TEAD1: variants seen among roughly 807,000 people sequenced by gnomAD.
TEAD1 encodes transcriptional enhancer factor TEF-1.
A neutral mutation model predicts 54.9 loss-of-function variants in TEAD1; 9 were observed. The ratio of observed to expected loss-of-function variants is 0.16; its 90% CI spans 0.10 to 0.29. The LOEUF (loss-of-function observed/expected upper bound fraction) is 0.29, where lower values mean the gene tolerates loss of function less well. TEAD1 is among the 10% of genes least tolerant of loss of function. The pLI is 1.00. For synonymous variants in TEAD1, 200 were observed against 187.8 expected (o/e 1.07, Z -0.53); for missense variants, 387 against 535.9 (o/e 0.72, Z 2.74).
intron 3 of TEAD1, among the ~76,000 whole-genome samples, chr11:12,832,806 T>C (rs550377486): frequency 6.6e-6 from 1 of 152,334 alleles, no homozygotes; most frequent in South Asian, 2.1e-4. Context: ...TCCATCTCGT[T>C]CAAACACCAG....
intron 3 of TEAD1, among the ~76,000 whole-genome samples, chr11:12,853,383 G>A (rs1947312149): frequency 6.6e-6 from 1 of 152,140 alleles, no homozygotes; most frequent in Admixed American, 6.6e-5. Context: ...TATTCCTTTA[G>A]ATGTGGGCAG....
chr11:12,676,073 G>T (rs903689343), intron 2 of TEAD1, among the ~76,000 whole-genome samples: 1 of 152,198 alleles, frequency 6.6e-6, no homozygotes, highest in African/African-American at 2.4e-5. Flanking sequence ...ATGTAAAAAG[G>T]CCATGTTTAA....
intron 3 of TEAD1, among the ~76,000 whole-genome samples, chr11:12,769,124 T>A (rs1359537929): frequency 6.6e-6 from 1 of 152,108 alleles, no homozygotes; most frequent in Non-Finnish European, 1.5e-5. Flanking sequence ...AGCAGATGTC[T>A]TCAGGATCCT....
At chr11:12,717,431 A>G (rs1048387949) in intron 2 of TEAD1, among the ~76,000 whole-genome samples, 1 of 152,228 alleles carries the variant, frequency 6.6e-6, no homozygotes, top group African/African-American at 2.4e-5. Flanking sequence ...TAAGGTGGAC[A>G]GTGGAATTAC....
rs572378896 is a variant in TEAD1 at position 12,745,450 on chromosome 11, TTC to T, written c.-54-18727_-54-18726del. On this transcript the variant is annotated intron_variant, in intron 2 of 12. Coordinates refer to ENST00000527636, the MANE Select transcript of TEAD1 (RefSeq NM_021961.6). ...CTCACACTCCACTGGTGATAAGTTC[TTC>T]TATGAAATTTTTGATCAATTTGATT... Among the ~76,000 whole-genome samples, 20 of 152,218 alleles carry T rather than the reference TTC, an allele frequency of 1.3e-4. No individual in the cohort carries two copies. The South Asian group carries it at 3.7e-3, about 28-fold the overall frequency.
Position 12,942,832 on chromosome 11 carries a change from A to C in TEAD1, c.*5610A>C, listed in dbSNP as rs2134183244. The C allele has an allele frequency of 6.6e-6, 1 of 152,330 alleles. No individual in the cohort carries two copies. The highest frequency in any genetic ancestry group is 2.4e-5 in the African/African-American group (1 of 41,586). 9.4% of individuals were successfully genotyped at this position (152,330 alleles called of 1,614,324 possible). ...GAGAAACTTCCAAAGAGCACCATTC[A>C]CAATTTGGCATTTTCAAAGAATGTT... On this transcript the variant is annotated 3_prime_UTR_variant, in exon 13 of 13. Transcript: ENST00000527636.
chr11:12,768,758 T>C lies in TEAD1; in HGVS notation c.202+4324T>C, dbSNP rs775561446. 1.4e-4 allele frequency among the ~76,000 whole-genome samples: 21 copies of C among 152,310 alleles called. 1 individual carries two copies. Among genetic ancestry groups the C allele is most frequent in the South Asian group, 4.1e-4 (2 of 4,822 alleles). ...GATACTGTAGTGAACCAGACAGACATGGTCCCTGCCCTCATGGAGCTATCT... is the reference window on the plus strand; with the variant it reads ...GATACTGTAGTGAACCAGACAGACACGGTCCCTGCCCTCATGGAGCTATCT... On this transcript the variant is annotated intron_variant, in intron 3 of 12. Coordinates refer to ENST00000527636, the MANE Select transcript of TEAD1 (RefSeq NM_021961.6).
chr11:12,692,095 T>C (rs1320793187), intron 2 of TEAD1, among the ~76,000 whole-genome samples: 1 of 152,200 alleles, frequency 6.6e-6, no homozygotes, highest in Non-Finnish European at 1.5e-5. Flanking sequence ...CCTGCAAGTC[T>C]AAGATGAGTG....
chr11:12,894,604 G>A (rs1948270276), intron 9 of TEAD1, among the ~76,000 whole-genome samples: 1 of 152,140 alleles, frequency 6.6e-6, no homozygotes, highest in Non-Finnish European at 1.5e-5. Context: ...CTGTGTGCCT[G>A]AGGGAAATGC....
intron 9 of TEAD1, among the ~76,000 whole-genome samples, chr11:12,898,591 C>T (rs1055662294): frequency 6.6e-6 from 1 of 151,756 alleles, no homozygotes; most frequent in Non-Finnish European, 1.5e-5. Context: ...GATGGGGTTT[C>T]TCCGTGTTGG....
intron 4 of TEAD1, among the ~76,000 whole-genome samples, chr11:12,862,529 C>T (rs1396897685): frequency 6.6e-6 from 1 of 152,184 alleles, no homozygotes; most frequent in Non-Finnish European, 1.5e-5. Context: ...CTTTTATACT[C>T]ACATGGGAAA....
At chr11:12,820,541 T>C (rs1946523450) in intron 3 of TEAD1, among the ~76,000 whole-genome samples, 2 of 152,122 alleles carry the variant, frequency 1.3e-5, no homozygotes, top group African/African-American at 4.8e-5. Flanking sequence ...ACGTTGGTGA[T>C]GAAATTATAA....
intron 2 of TEAD1, among the ~76,000 whole-genome samples, chr11:12,725,612 TA>T (rs11316204): frequency 0.48 from 73,071 of 151,208 alleles, 19,188 homozygotes; most frequent in African/African-American, 0.7. Flanking sequence ...ACGTATCAGT[TA>T]AAAAAAAAAT....
At chr11:12,820,101 T>C (rs1946509698) in intron 3 of TEAD1, among the ~76,000 whole-genome samples, 1 of 152,090 alleles carries the variant, frequency 6.6e-6, no homozygotes, top group Non-Finnish European at 1.5e-5. Flanking sequence ...CTGTGTGCCA[T>C]ACTGTGGAAT....
At chr11:12,724,463 G>A (rs1944275097) in intron 2 of TEAD1, among the ~76,000 whole-genome samples, 1 of 152,342 alleles carries the variant, frequency 6.6e-6, no homozygotes, top group South Asian at 2.1e-4. Context: ...TGTAGTGCAA[G>A]AGCTTTTATC....
chr11:12,782,345 A>T (rs1012229445), intron 3 of TEAD1, among the ~76,000 whole-genome samples: 5 of 152,336 alleles, frequency 3.3e-5, no homozygotes, highest in Non-Finnish European at 7.4e-5. Flanking sequence ...AATGAAAAGA[A>T]GATTCATGAA....
At chr11:12,831,868 A>G (rs1380728326) in intron 3 of TEAD1, among the ~76,000 whole-genome samples, 2 of 152,202 alleles carry the variant, frequency 1.3e-5, no homozygotes, top group Non-Finnish European at 2.9e-5. Flanking sequence ...ACTTATTGAA[A>G]TATGCCACTT....
At chr11:12,793,996 T>TA (rs1242369584) in intron 3 of TEAD1, among the ~76,000 whole-genome samples, 2 of 152,374 alleles carry the variant, frequency 1.3e-5, no homozygotes, top group East Asian at 3.9e-4. Context: ...ATTTCATTCT[T>TA]ACAGCTCTGG....
chr11:12,877,192 G>A (rs555069991), intron 5 of TEAD1, among the ~76,000 whole-genome samples: 21 of 152,288 alleles, frequency 1.4e-4, no homozygotes, highest in Admixed American at 9.1e-4. Context: ...CACTCTGGCC[G>A]TTCTTTTGAG....
Sources: allele counts gnomAD v4.1 joint callset (sites outside exome capture counted in the v4.1 genomes callset), GRCh38; gene constraint gnomAD v4.1.1; transcripts MANE v1.5; gene names NCBI Gene and HGNC (gene_info 2026-07-23, HGNC 2026-07-21).